The following ST3GAL1 variants were observed in gnomAD, a reference collection of about 807,000 sequenced individuals.
ST3GAL1 encodes the protein CMP-N-acetylneuraminate-beta-galactosamide-alpha-2,3-sialyltransferase 1.
ST3GAL1 carries 16 observed loss-of-function variants against 34.1 expected under a neutral mutation model. The observed-to-expected ratio is 0.47, with a 90% CI of 0.32 to 0.71. The LOEUF is 0.71. ST3GAL1 is among the 30% of genes least tolerant of loss of function. The pLI is 0.04. For missense variants in ST3GAL1, 353 were observed against 447.4 expected, an observed-to-expected ratio of 0.79 and a Z score of 1.90; for synonymous variants, 191 against 184.7, an observed-to-expected ratio of 1.03 and a Z score of -0.28.
Position 133,466,218 on chromosome 8 carries a change from C to T in ST3GAL1, c.307-128G>A, listed in dbSNP as rs1248069936. 13 of 928,108 alleles carry T rather than the reference C, an allele frequency of 1.4e-5. No individual in the cohort carries two copies. The highest frequency in any genetic ancestry group is 3.5e-5 in the South Asian group (2 of 57,426). The allele number at this position is 928,108 out of a possible 1,614,324, so 57.5% of individuals were successfully genotyped here. A position where few individuals can be genotyped will look rare whatever the true frequency, so the allele number is the denominator to read the frequency against. On this transcript the variant is annotated intron_variant, in intron 5 of 9. Coordinates refer to ENST00000522652, the MANE Select transcript of ST3GAL1 (RefSeq NM_173344.3). This position sits in a 1 kb window ranked among gnomAD's most constrained non-coding sequence, Gnocchi z 4.4. ...TTCACCCTTCTCTCTGCTGGGCCCC[C>T]GGAGATGGAGGCGGCTCACACACAG...
chr8:133,561,449 C>A (rs919747952), intron 1 of ST3GAL1, among the ~76,000 whole-genome samples: 2 of 152,034 alleles, frequency 1.3e-5, no homozygotes, highest in Non-Finnish European at 2.9e-5. Flanking sequence ...CAGCTGAGCT[C>A]TCTGACATCC....
chr8:133,503,620 C>T (rs974383688), intron 2 of ST3GAL1, among the ~76,000 whole-genome samples: 5 of 152,116 alleles, frequency 3.3e-5, no homozygotes, highest in Admixed American at 6.5e-5. Context: ...GTGTCTAACC[C>T]GCATGGACTC....
intron 1 of ST3GAL1, among the ~76,000 whole-genome samples, chr8:133,551,603 A>AAAGAAAGGAAGG (rs1554619960): frequency 6.7e-6 from 1 of 149,490 alleles, no homozygotes; most frequent in African/African-American, 2.5e-5. Flanking sequence ...AGAAAGAAAG[A>AAAGAAAGGAAGG]AAGAAAGAAA....
At chr8:133,513,379 C>G (rs7824608) in intron 2 of ST3GAL1, among the ~76,000 whole-genome samples, 6,649 of 152,176 alleles carry the variant, frequency 0.044, 163 homozygotes, top group African/African-American at 0.077. Context: ...CATCACTTTT[C>G]AGGACTTTTC....
At chr8:133,504,301 C>T (rs1321658310) in intron 2 of ST3GAL1, among the ~76,000 whole-genome samples, 5 of 152,238 alleles carry the variant, frequency 3.3e-5, no homozygotes, top group Non-Finnish European at 7.3e-5. Context: ...GGGCCTCCTG[C>T]TCAGTTAGAA....
At chr8:133,548,933 C>A (rs1446127770) in intron 1 of ST3GAL1, among the ~76,000 whole-genome samples, 1 of 152,236 alleles carries the variant, frequency 6.6e-6, no homozygotes, top group African/African-American at 2.4e-5. Flanking sequence ...CCAGATCAAT[C>A]TCAGAGAATC....
intron 1 of ST3GAL1, among the ~76,000 whole-genome samples, chr8:133,562,661 T>C (rs1819261936): frequency 6.6e-6 from 1 of 152,144 alleles, no homozygotes; most frequent in Admixed American, 6.5e-5. Flanking sequence ...TCTTTGCCCT[T>C]GTTAGGGCTC....
At chr8:133,521,889 G>A (rs543109372) in intron 2 of ST3GAL1, among the ~76,000 whole-genome samples, 2 of 152,300 alleles carry the variant, frequency 1.3e-5, no homozygotes, top group South Asian at 4.1e-4. Flanking sequence ...ACTAAGATAG[G>A]TACTTTCTGG....
rs533355450 is a variant in ST3GAL1, at chr8:133,565,802, G to A, written c.-582+5891C>T. Among the ~76,000 whole-genome samples, 22 of 152,304 alleles carry A rather than the reference G, an allele frequency of 1.4e-4. 1 individual carries two copies. In the South Asian group the frequency reaches 3.9e-3, roughly 27 times the overall value. ...CGAAGGGTCAAAGAGGTTAAACAAC[G>A]TGCCCAAGGTCCCCGGCCCGGAGCA... On this transcript the variant is annotated intron_variant, in intron 1 of 9. Transcript: ENST00000522652.
intron 6 of ST3GAL1, 189 bp downstream of exon 6, chr8:133,465,705 C>T: frequency 1.7e-6 from 1 of 580,942 alleles, no homozygotes; most frequent in Non-Finnish European, 2.9e-6. Context: ...TAGTCCATTC[C>T]AATCCTGCAA....
rs972596311 is a variant in ST3GAL1, at chr8:133,463,611, C to T, written c.684-152G>A. Reference sequence around the variant, plus strand: ...CCTCAGGGACCCCCACCTCCCTACCCCAGCCGGGTTTCTGCCCACAGCAAG... The same window carrying T: ...CCTCAGGGACCCCCACCTCCCTACCTCAGCCGGGTTTCTGCCCACAGCAAG... On this transcript the variant is annotated intron_variant, in intron 7 of 9. Coordinates refer to ENST00000522652, the MANE Select transcript of ST3GAL1 (RefSeq NM_173344.3). 17 of 777,756 alleles carry T rather than the reference C, an allele frequency of 2.2e-5. No individual in the cohort carries two copies. The African/African-American group carries it at 2.6e-4, about 12-fold the overall frequency. 48.2% of individuals were successfully genotyped at this position (777,756 alleles called of 1,614,324 possible).
intron 2 of ST3GAL1, among the ~76,000 whole-genome samples, chr8:133,505,719 C>T (rs998715846): frequency 2.6e-5 from 4 of 151,986 alleles, no homozygotes; most frequent in African/African-American, 9.7e-5. Context: ...TCTCCTGCCT[C>T]AGTCTCCTGA....
intron 7 of ST3GAL1, among the ~76,000 whole-genome samples, chr8:133,464,224 AT>A (rs1393913775): frequency 6.6e-6 from 1 of 152,116 alleles, no homozygotes; most frequent in Non-Finnish European, 1.5e-5. Context: ...GATAATGGCT[AT>A]TGTGAGGATT....
At chr8:133,548,747 G>A (rs1818743333) in intron 1 of ST3GAL1, among the ~76,000 whole-genome samples, 1 of 152,132 alleles carries the variant, frequency 6.6e-6, no homozygotes, top group Non-Finnish European at 1.5e-5. Flanking sequence ...CTAAGCACCG[G>A]GCATCACCTC....
chr8:133,463,499 G>A, intron 7 of ST3GAL1, 40 bp from the exon 8 acceptor site: 2 of 1,608,524 alleles, frequency 1.2e-6, no homozygotes, highest in Non-Finnish European at 1.7e-6. Context: ...TGGGGCAGGG[G>A]ACAGGCCCAG....
intron 2 of ST3GAL1, among the ~76,000 whole-genome samples, chr8:133,531,843 T>C (rs977646545): frequency 2.9e-5 from 4 of 139,228 alleles, no homozygotes; most frequent in Non-Finnish European, 6.2e-5. Context: ...AAAAAAGCCA[T>C]GTTCTTAACC....
Position 133,459,739 on chromosome 8 carries a change from C to T in ST3GAL1, c.*25G>A, listed in dbSNP as rs115046803. 1,340 of 1,585,286 alleles carry T rather than the reference C, an allele frequency of 8.5e-4. 9 individuals carry two copies. The African/African-American group carries it at 0.016, about 19-fold the overall frequency. On this transcript the variant is annotated 3_prime_UTR_variant, in exon 10 of 10. Coordinates refer to ENST00000522652, the MANE Select transcript of ST3GAL1 (RefSeq NM_173344.3). This position sits in a 1 kb window ranked among gnomAD's most constrained non-coding sequence, Gnocchi z 4.7. The stretch of plus-strand genomic sequence containing the variant: ...CTGGAAATGCAGAGGTGTGACAGTG[C>T]GTCCATCCTCAGCCCTTCACTGCGT...
chr8:133,495,287 C>T (rs369317003), intron 3 of ST3GAL1, among the ~76,000 whole-genome samples: 1 of 152,094 alleles, frequency 6.6e-6, no homozygotes, highest in African/African-American at 2.4e-5. Context: ...AAGGATTCCC[C>T]GTGCAACTAA....
chr8:133,548,585 G>A (rs1818738159), intron 1 of ST3GAL1, among the ~76,000 whole-genome samples: 1 of 152,192 alleles, frequency 6.6e-6, no homozygotes, highest in Admixed American at 6.5e-5. Flanking sequence ...ATGAGAGGGT[G>A]ACCAAAACAA....
Sources: gnomAD v4.1 joint callset for allele counts (sites outside exome capture counted in the v4.1 genomes callset) on GRCh38, gnomAD v4.1.1 for gene constraint, Gnocchi (gnomAD v3.1) non-coding constraint, MANE v1.5 for transcripts, NCBI Gene and HGNC (gene_info 2026-07-23, HGNC 2026-07-21) for gene names.